MIPOL1: variants seen among roughly 807,000 people sequenced by gnomAD.
The protein encoded by MIPOL1 is mirror-image polydactyly 1, also known as mirror-image polydactyly gene 1 protein.
MIPOL1 carries 57 observed loss-of-function variants against 60.9 expected under a neutral mutation model. That is an observed-to-expected ratio of 0.94 (90% CI 0.76 to 1.17). The LOEUF is 1.17. Among genes scored for constraint, MIPOL1 ranks in the 50% most tolerant of loss-of-function variants. MIPOL1 has a pLI of 0.00. For missense variants in MIPOL1, 551 were observed against 511.6 expected (o/e 1.08, Z -0.74); for synonymous variants, 179 against 168.8 (o/e 1.06, Z -0.47).
intron 5 of MIPOL1, among the ~76,000 whole-genome samples, chr14:37,269,040 T>C (rs914804025): frequency 2.0e-5 from 3 of 152,142 alleles, no homozygotes; most frequent in African/African-American, 7.2e-5. Flanking sequence ...CCCTGGTTCC[T>C]TGTATACATA....
intron 11 of MIPOL1, among the ~76,000 whole-genome samples, chr14:37,447,437 G>A: frequency 6.6e-6 from 1 of 152,018 alleles, no homozygotes; most frequent in East Asian, 1.9e-4. Context: ...CACACTTTTA[G>A]GAGGCAAACT....
chr14:37,198,279 GT>G (rs1428888346), intron 1 of MIPOL1, 175 bp downstream of exon 1: 1 of 152,408 alleles, frequency 6.6e-6, no homozygotes, highest in Non-Finnish European at 1.5e-5. Flanking sequence ...TCTCTCGAAG[GT>G]CAGTGTCGTG....
chr14:37,482,036 C>G (rs1042530871), intron 11 of MIPOL1, among the ~76,000 whole-genome samples: 1 of 151,760 alleles, frequency 6.6e-6, no homozygotes, highest in Non-Finnish European at 1.5e-5. Flanking sequence ...TTGGATCTGA[C>G]CCCAAAAAGC....
intron 11 of MIPOL1, among the ~76,000 whole-genome samples, chr14:37,482,354 A>G (rs977973297): frequency 1.3e-5 from 2 of 152,196 alleles, no homozygotes; most frequent in Non-Finnish European, 2.9e-5. Context: ...GGAAATGCAA[A>G]TTAAAACCAC....
At chr14:37,334,371 T>A (rs1240509614) in intron 9 of MIPOL1, among the ~76,000 whole-genome samples, 1 of 152,026 alleles carries the variant, frequency 6.6e-6, no homozygotes, top group Non-Finnish European at 1.5e-5. Flanking sequence ...AGAGTTATGC[T>A]ATCTGATTTT....
intron 9 of MIPOL1, among the ~76,000 whole-genome samples, chr14:37,332,477 C>CTGTT (rs1478774362): frequency 6.6e-6 from 1 of 152,238 alleles, no homozygotes; most frequent in Admixed American, 6.5e-5. Flanking sequence ...TAATAGCCTA[C>CTGTT]TGTTAACTGG....
At chr14:37,425,863 T>G (rs188999357) in intron 11 of MIPOL1, among the ~76,000 whole-genome samples, 1 of 152,264 alleles carries the variant, frequency 6.6e-6, no homozygotes, top group African/African-American at 2.4e-5. Flanking sequence ...TGGCCATTAG[T>G]GACTTCCACA....
At chr14:37,223,584 CCT>C (rs1237471866) in intron 1 of MIPOL1, among the ~76,000 whole-genome samples, 1 of 151,442 alleles carries the variant, frequency 6.6e-6, no homozygotes, top group Non-Finnish European at 1.5e-5. Context: ...CTCACTGCAA[CCT>C]CTGTCTCCTG....
At chr14:37,379,116 A>G (rs1278760769) in intron 10 of MIPOL1, among the ~76,000 whole-genome samples, 1 of 152,092 alleles carries the variant, frequency 6.6e-6, no homozygotes, top group African/African-American at 2.4e-5. Context: ...GGACAGACAT[A>G]CAGATAAGTG....
chr14:37,307,417 C>T (rs933133453), intron 7 of MIPOL1, among the ~76,000 whole-genome samples: 2 of 151,866 alleles, frequency 1.3e-5, no homozygotes, highest in Admixed American at 1.3e-4. Flanking sequence ...GTAGCCACTA[C>T]GACTCTTAAA....
intron 12 of MIPOL1, among the ~76,000 whole-genome samples, chr14:37,514,823 GT>G (rs2095356918): frequency 6.6e-6 from 1 of 152,072 alleles, no homozygotes; most frequent in African/African-American, 2.4e-5. Flanking sequence ...GTTTCTCCAT[GT>G]TGGTCAGGTA....
At chr14:37,265,399 G>A (rs2082805028) in intron 3 of MIPOL1, 1 of 152,184 alleles carries the variant, frequency 6.6e-6, no homozygotes, top group Admixed American at 6.6e-5. Flanking sequence ...GTACTAGAGA[G>A]TCTTTGAGTG....
rs553316226 is a variant in MIPOL1 at position 37,326,656 on chromosome 14, G to T, written c.828+18137G>T. Among the ~76,000 whole-genome samples, 10 of 152,280 alleles carry T rather than the reference G, an allele frequency of 6.6e-5. No homozygotes were observed. In the South Asian group the frequency reaches 2.1e-3, roughly 32 times the overall value. ...TGTAGCCAGGTCAACATTGGTGAGT[G>T]GAAATCCATGTTGCCGAGCCCTTGC... On this transcript the variant is annotated intron_variant, in intron 9 of 12. Coordinates refer to ENST00000684589, the MANE Select transcript of MIPOL1 (RefSeq NM_001388067.1).
intron 10 of MIPOL1, among the ~76,000 whole-genome samples, chr14:37,388,230 A>G (rs1327995539): frequency 6.6e-6 from 1 of 151,882 alleles, no homozygotes; most frequent in East Asian, 1.9e-4. Context: ...TTTAAAAGAA[A>G]ACTGAGACTT....
intron 6 of MIPOL1, among the ~76,000 whole-genome samples, chr14:37,275,947 T>A (rs548976175): frequency 1.3e-5 from 2 of 151,308 alleles, no homozygotes; most frequent in African/African-American, 4.8e-5. Context: ...ACACATTTCT[T>A]ATTAACCTTT....
At chr14:37,353,791 CT>C (rs2091591962) in intron 9 of MIPOL1, among the ~76,000 whole-genome samples, 1 of 152,096 alleles carries the variant, frequency 6.6e-6, no homozygotes, top group South Asian at 2.1e-4. Flanking sequence ...TTTGATTCTT[CT>C]CTCTTTTTTT....
chr14:37,212,151 T>C (rs1966858933), intron 1 of MIPOL1: 1 of 152,150 alleles, frequency 6.6e-6, no homozygotes, highest in African/African-American at 2.4e-5. Flanking sequence ...CCAGCTGTGA[T>C]GGCTATGACG....
At chr14:37,309,346 C>T (rs1186364447) in intron 9 of MIPOL1, among the ~76,000 whole-genome samples, 1 of 151,960 alleles carries the variant, frequency 6.6e-6, no homozygotes, top group East Asian at 1.9e-4. Flanking sequence ...CAGACTGTAC[C>T]ACCCAGTGCA....
At chr14:37,293,750 G>A (rs1431043765) in intron 7 of MIPOL1, among the ~76,000 whole-genome samples, 4 of 152,176 alleles carry the variant, frequency 2.6e-5, no homozygotes, top group African/African-American at 4.8e-5. Flanking sequence ...AGGTGGCAGC[G>A]AGGCTTTGGT....
Sources: allele counts gnomAD v4.1 joint callset (sites outside exome capture counted in the v4.1 genomes callset), GRCh38; gene constraint gnomAD v4.1.1; transcripts MANE v1.5; gene names NCBI Gene and HGNC (gene_info 2026-07-23, HGNC 2026-07-21).